Variants in SANBR observed in about 807,000 individuals in gnomAD.
SANBR encodes the protein SANT and BTB domain regulator of CSR, also known as SANT and BTB domain regulator of class switch recombination.
In SANBR, 77 loss-of-function variants were observed where a neutral mutation model predicts 101.8. That is an observed-to-expected ratio of 0.76 (90% confidence interval 0.63 to 0.91). The LOEUF (loss-of-function observed/expected upper bound fraction) is 0.91, where lower values mean the gene tolerates loss of function less well. SANBR is among the 40% of genes least tolerant of loss of function. The pLI is 0.00. For synonymous variants in SANBR, 279 were observed against 274.7 expected, an observed-to-expected ratio of 1.02 and a Z score of -0.15; for missense variants, 875 against 853.0, an observed-to-expected ratio of 1.03 and a Z score of -0.32.
At chr2:61,084,149 T>A (rs1682299870) in intron 8 of SANBR, among the ~76,000 whole-genome samples, 1 of 152,070 alleles carries the variant, frequency 6.6e-6, no homozygotes, top group South Asian at 2.1e-4. Context: ...AGATGGGGGT[T>A]TGCTGCGTTG....
chr2:61,099,425 G>C (rs1278599280), intron 12 of SANBR, among the ~76,000 whole-genome samples: 1 of 152,190 alleles, frequency 6.6e-6, no homozygotes, highest in Non-Finnish European at 1.5e-5. Flanking sequence ...CAGAGGGAGA[G>C]GGGGAAGGAT....
chr2:61,088,448 T>C lies in SANBR; in HGVS notation c.1068T>C (p.Asn356=), dbSNP rs1327498173. ...AAATCAATGTGGATCGACGTGGAAA[T>C]ATTGTCTATATTCACATAAGGTGTC... ...PGKINVDRRG[N]IVYIHIRDKT... is the part of the protein sequence containing the mutation. Residue 356 remains asparagine (N), a synonymous_variant, in exon 10 of 22, where the codon AAT becomes AAC. Coordinates refer to ENST00000402291, the MANE Select transcript of SANBR (RefSeq NM_001129993.3). 6.2e-7 allele frequency: 1 copy of C among 1,604,776 alleles called. No individual in the cohort carries two copies. The highest frequency in any genetic ancestry group is 1.3e-5 in the African/African-American group (1 of 74,674).
chr2:61,073,181 G>A (rs1372606645), intron 4 of SANBR, among the ~76,000 whole-genome samples: 1 of 152,108 alleles, frequency 6.6e-6, no homozygotes, highest in Non-Finnish European at 1.5e-5. Context: ...AAACTATGCT[G>A]TTGGCATTTG....
At position 61,123,283 on chromosome 2, in the gene SANBR, A is replaced by G. The variant is rs1684405370; in HGVS notation, c.*1121A>G. On this transcript the variant is annotated 3_prime_UTR_variant, in exon 22 of 22. Transcript: ENST00000402291. Reference sequence around the variant, plus strand: ...TTTGCCTTATAACTGACATTTCTTCAAATTATTCAGAGAACAGACTTTAAT... The same window carrying G: ...TTTGCCTTATAACTGACATTTCTTCGAATTATTCAGAGAACAGACTTTAAT... The G allele has an allele frequency of 1.0e-6, 1 of 981,418 alleles. No homozygotes were observed. The highest frequency in any genetic ancestry group is 4.7e-5 in the South Asian group (1 of 21,212). 60.8% of individuals were successfully genotyped at this position (981,418 alleles called of 1,614,324 possible).
chr2:61,110,957 A>T (rs1683802011), intron 16 of SANBR, among the ~76,000 whole-genome samples: 1 of 152,202 alleles, frequency 6.6e-6, no homozygotes, highest in African/African-American at 2.4e-5. Flanking sequence ...AATAATTTGC[A>T]TTTTTATTAG....
rs554840464 is a variant in SANBR, at chr2:61,097,158, AAAG to A, written c.1213-539_1213-537del. On this transcript the variant is annotated intron_variant, in intron 11 of 21. Transcript: ENST00000402291. ...AACAGAGCGAGATTCCATCTCCAAA[AAAG>A]AAAGCATCAAGGAATAACCAAATGA... 8.1e-4 allele frequency among the ~76,000 whole-genome samples: 124 copies of A among 152,324 alleles called. 1 individual carries two copies. The highest frequency in any genetic ancestry group is 2.8e-3 in the African/African-American group (118 of 41,568).
chr2:61,103,099 A>G (rs1228762253), intron 12 of SANBR, among the ~76,000 whole-genome samples: 5 of 151,944 alleles, frequency 3.3e-5, no homozygotes, highest in African/African-American at 1.2e-4. Flanking sequence ...TATTACATGA[A>G]ATAACATCAT....
Position 61,118,108 on chromosome 2 carries a change from G to T in SANBR, c.2020G>T (p.Ala674Ser). 6.2e-7 allele frequency: 1 copy of T among 1,610,520 alleles called. No homozygotes were observed. Among genetic ancestry groups the T allele is most frequent in the Non-Finnish European group, 8.5e-7 (1 of 1,177,456 alleles). Residue 674 changes from alanine to serine, a missense_variant, in exon 20 of 22, where the codon GCA becomes TCA. Transcript: ENST00000402291. ...TCTGGACCGAGTCAAGTCAAAGGAA[G>T]CAAAAGAAGTAAGAATTGTGTACTA... ...GDLDRVKSKE[A>S]KEFAGGIYSR...
chr2:61,089,471 A>C (rs1264449716), intron 10 of SANBR: 1 of 152,232 alleles, frequency 6.6e-6, no homozygotes, highest in African/African-American at 2.4e-5. Context: ...GTGCCACTGC[A>C]CTCCAGCCTG....
intron 8 of SANBR, 141 bp from the exon 9 acceptor site, chr2:61,088,018 A>C: frequency 2.0e-6 from 1 of 508,946 alleles, no homozygotes; most frequent in Non-Finnish European, 3.5e-6. Flanking sequence ...TACTTAGAAC[A>C]CTAAAAATGT....
chr2:61,092,306 T>A (rs1682801319), intron 10 of SANBR, among the ~76,000 whole-genome samples, 158 bp from the exon 11 acceptor site: 1 of 152,154 alleles, frequency 6.6e-6, no homozygotes, highest in African/African-American at 2.4e-5. Flanking sequence ...ATTGCTTGCA[T>A]CCTGGAGGTG....
chr2:61,104,482 CA>C (rs58753839), intron 13 of SANBR, among the ~76,000 whole-genome samples: 91,251 of 141,950 alleles, frequency 0.64, 30,402 homozygotes, highest in African/African-American at 0.88. Flanking sequence ...AAAAAAAGAG[CA>C]AAAAAAAAAA....
chr2:61,074,700 G>A (rs1343442532), intron 5 of SANBR, among the ~76,000 whole-genome samples: 1 of 152,060 alleles, frequency 6.6e-6, no homozygotes, highest in Non-Finnish European at 1.5e-5. Context: ...CACCGCATCT[G>A]GCCATATTCA....
At chr2:61,091,598 A>G (rs1682763332) in intron 10 of SANBR, among the ~76,000 whole-genome samples, 1 of 124,200 alleles carries the variant, frequency 8.1e-6, no homozygotes, top group South Asian at 2.9e-4. Flanking sequence ...CCGTCCAAAA[A>G]AAAAAAAAAA....
chr2:61,132,915 T>C (rs1370402610), intron 20 of SANBR, among the ~76,000 whole-genome samples: 1 of 152,178 alleles, frequency 6.6e-6, no homozygotes. Flanking sequence ...ATATAAAATA[T>C]CCAGAATGGG....
intron 1 of SANBR, among the ~76,000 whole-genome samples, chr2:61,068,470 A>G (rs894237688): frequency 6.6e-6 from 1 of 152,240 alleles, no homozygotes; most frequent in Non-Finnish European, 1.5e-5. Context: ...CACCTTTTGT[A>G]TGCCAGACAG....
chr2:61,121,444 A>T, intron 21 of SANBR, 168 bp downstream of exon 21: 1 of 474,098 alleles, frequency 2.1e-6, no homozygotes, highest in Non-Finnish European at 3.9e-6. Context: ...AACTTAAAAG[A>T]TAAAATCTAA....
intron 8 of SANBR, among the ~76,000 whole-genome samples, chr2:61,085,775 T>A (rs1682394945): frequency 6.6e-6 from 1 of 152,040 alleles, no homozygotes; most frequent in African/African-American, 2.4e-5. Flanking sequence ...CCTCCCAACG[T>A]GCTGAGATTA....
At chr2:61,092,772 A>G (rs1682833676) in intron 11 of SANBR, among the ~76,000 whole-genome samples, 185 bp downstream of exon 11, 1 of 152,170 alleles carries the variant, frequency 6.6e-6, no homozygotes, top group Non-Finnish European at 1.5e-5. Context: ...AGACCAAGGC[A>G]GGTGGATCGT....
Sources: gnomAD v4.1 joint callset for allele counts (sites outside exome capture counted in the v4.1 genomes callset) on GRCh38, gnomAD v4.1.1 for gene constraint, MANE v1.5 for transcripts, NCBI Gene and HGNC (gene_info 2026-07-23, HGNC 2026-07-21) for gene names.